Variants in CCDC88C observed in about 807,000 individuals in gnomAD.
The protein encoded by CCDC88C is coiled-coil and HOOK domain protein 88C, also known as protein Daple.
Under a neutral mutation model 198.8 loss-of-function variants are expected in CCDC88C, and 131 were observed. The ratio of observed to expected loss-of-function variants is 0.66; its 90% CI spans 0.57 to 0.76. CCDC88C has a LOEUF of 0.76. Ranked by LOEUF, CCDC88C falls within the 30% of genes least tolerant of loss-of-function variation. The pLI is 0.00. For missense variants in CCDC88C, 2,553 were observed against 2,631.6 expected (o/e 0.97, Z 0.65); for synonymous variants, 1,166 against 1,114.7 (o/e 1.05, Z -0.92).
chr14:91,293,044 C>T (rs1188423438), intron 23 of CCDC88C, among the ~76,000 whole-genome samples: 3 of 143,480 alleles, frequency 2.1e-5, no homozygotes, highest in South Asian at 2.3e-4. Flanking sequence ...TCACCTGCCA[C>T]GGCTGACCTT....
intron 10 of CCDC88C, among the ~76,000 whole-genome samples, chr14:91,328,683 C>T (rs753282309): frequency 5.3e-5 from 8 of 152,176 alleles, no homozygotes; most frequent in Non-Finnish European, 1.0e-4. Flanking sequence ...ACACTCTCAA[C>T]CCGGATTCCT....
rs769431847 is a variant in CCDC88C at position 91,339,327 on chromosome 14, C to A, written c.760G>T (p.Val254Leu). The A allele has an allele frequency of 8.1e-6, 13 of 1,613,546 alleles. No homozygotes were observed. Among genetic ancestry groups the A allele is most frequent in the Non-Finnish European group, 1.1e-5 (13 of 1,179,892 alleles). Residue 254 changes from valine to leucine, a missense_variant, in exon 8 of 30, where the codon GTA becomes TTA. Val to Leu is a conservative substitution (Grantham distance 32). Coordinates refer to ENST00000389857, the MANE Select transcript of CCDC88C (RefSeq NM_001080414.4). This position sits in a 1 kb window ranked among gnomAD's most constrained non-coding sequence, Gnocchi z 5.8. Reference protein sequence around the residue: ...LSSEDKQHLAVELADTKARLR... With the variant: ...LSSEDKQHLALELADTKARLR... ...CTGGCCTTGGTGTCGGCCAGCTCTACGGCCAGGTGCTGCTTGTCTTCGCTA... is the reference window on the plus strand; with the variant it reads ...CTGGCCTTGGTGTCGGCCAGCTCTAAGGCCAGGTGCTGCTTGTCTTCGCTA...
At chr14:91,416,500 C>T (rs922374146) in intron 2 of CCDC88C, among the ~76,000 whole-genome samples, 1 of 152,130 alleles carries the variant, frequency 6.6e-6, no homozygotes, top group Non-Finnish European at 1.5e-5. Context: ...ACGTAAATGA[C>T]AGTCATTCAA....
intron 20 of CCDC88C, among the ~76,000 whole-genome samples, chr14:91,302,523 G>C (rs2139777954): frequency 6.6e-6 from 1 of 152,304 alleles, no homozygotes; most frequent in South Asian, 2.1e-4. Context: ...CAGAATCCCA[G>C]CCCAGATTGG....
At position 91,273,116 on chromosome 14, in the gene CCDC88C, T is replaced by C; in HGVS notation, c.5596A>G (p.Lys1866Glu). ...GGGCCCTGACAGGAGCTGCCAGCCT[T>C]TCCCACAAGTGGGGTCCGCTCCCGG... is the stretch of plus-strand genomic sequence containing the variant. ...LARERTPLVG[K>E]AGSSCQGPGP... Residue 1866 changes from lysine to glutamate, a missense_variant, in exon 30 of 30, where the codon AAG (lysine) becomes GAG (glutamate). This residue lies in a region of CCDC88C where 1,293 missense variants were observed against 1,219.6 expected (regional missense o/e 1.06). Coordinates refer to ENST00000389857, the MANE Select transcript of CCDC88C (RefSeq NM_001080414.4). The surrounding 1 kb of genome is among the most constrained non-coding windows in gnomAD (Gnocchi z 5.6). 6.4e-7 allele frequency: 1 copy of C among 1,570,606 alleles called. No homozygotes were observed. Among genetic ancestry groups the C allele is most frequent in the Non-Finnish European group, 8.6e-7 (1 of 1,157,930 alleles).
At position 91,272,439 on chromosome 14, in the gene CCDC88C, G is replaced by A. The variant is rs553398666; in HGVS notation, c.*186C>T. ...GACACAGAAAACACGTTACACACCT[G>A]GAAGCGTAATCCTCTTGGGGCTTGG... On this transcript the variant is annotated 3_prime_UTR_variant, in exon 30 of 30. Coordinates refer to ENST00000389857, the MANE Select transcript of CCDC88C (RefSeq NM_001080414.4). 5.4e-5 allele frequency: 33 copies of A among 609,940 alleles called. No individual in the cohort carries two copies. In the African/African-American group the frequency reaches 6.0e-4, roughly 11 times the overall value. The allele number at this position is 609,940 out of a possible 1,614,324, so 37.8% of individuals were successfully genotyped here.
At position 91,324,769 on chromosome 14, in the gene CCDC88C, C is replaced by T. The variant is rs1892511996; in HGVS notation, c.1342+10G>A. On this transcript the variant is annotated intron_variant, in intron 12 of 29. Coordinates refer to ENST00000389857, the MANE Select transcript of CCDC88C (RefSeq NM_001080414.4). ...GCCAGGCTGGCTCCCCGGCACCAGGCGCTACCTACCGTCTGACAAGTCTGC... is the reference window on the plus strand; with the variant it reads ...GCCAGGCTGGCTCCCCGGCACCAGGTGCTACCTACCGTCTGACAAGTCTGC... 2 of 1,608,720 alleles carry T rather than the reference C, an allele frequency of 1.2e-6. No individual in the cohort carries two copies. Among genetic ancestry groups the T allele is most frequent in the Middle Eastern group, 1.7e-4 (1 of 6,046 alleles).
chr14:91,378,024 T>C (rs1396957575), intron 3 of CCDC88C, among the ~76,000 whole-genome samples: 1 of 152,190 alleles, frequency 6.6e-6, no homozygotes, highest in East Asian at 1.9e-4. Flanking sequence ...TGGTACAGAA[T>C]TGGGCAGAAA....
At chr14:91,390,270 C>T (rs1885423776) in intron 3 of CCDC88C, among the ~76,000 whole-genome samples, 1 of 152,130 alleles carries the variant, frequency 6.6e-6, no homozygotes, top group Non-Finnish European at 1.5e-5. Context: ...TGCTCCTTGA[C>T]ACAGATTTAA....
chr14:91,389,853 A>G (rs1284008199), intron 3 of CCDC88C, among the ~76,000 whole-genome samples: 1 of 152,012 alleles, frequency 6.6e-6, no homozygotes, highest in African/African-American at 2.4e-5. Context: ...CGGGCGGATC[A>G]CAAGGTCAGG....
At chr14:91,377,290 C>A (rs8018903) in intron 3 of CCDC88C, among the ~76,000 whole-genome samples, 1 of 152,048 alleles carries the variant, frequency 6.6e-6, no homozygotes, top group Admixed American at 6.5e-5. Context: ...ACTCTTCCAC[C>A]GCGGAGCTCC....
At chr14:91,274,790 G>A (rs937955719) in intron 29 of CCDC88C, among the ~76,000 whole-genome samples, 6 of 152,172 alleles carry the variant, frequency 3.9e-5, no homozygotes, top group African/African-American at 1.4e-4. Flanking sequence ...AAATGACCTC[G>A]CAAGGTTGTT....
At chr14:91,389,366 A>G (rs1885343890) in intron 3 of CCDC88C, among the ~76,000 whole-genome samples, 1 of 152,182 alleles carries the variant, frequency 6.6e-6, no homozygotes, top group South Asian at 2.1e-4. Context: ...GCTCTTGAAG[A>G]TGTGATTCCA....
chr14:91,328,894 CCT>C (rs1031729088), intron 10 of CCDC88C, among the ~76,000 whole-genome samples: 72 of 152,316 alleles, frequency 4.7e-4, no homozygotes, highest in African/African-American at 1.6e-3. Flanking sequence ...CCTCCTGACC[CCT>C]GAGGAGCACA....
At position 91,307,170 on chromosome 14, in the gene CCDC88C, C is replaced by G; in HGVS notation, c.3063G>C (p.Gln1021His). 6.2e-7 allele frequency: 1 copy of G among 1,613,970 alleles called. No individual in the cohort carries two copies. Among genetic ancestry groups the G allele is most frequent in the Non-Finnish European group, 8.5e-7 (1 of 1,179,900 alleles). The change falls in exon 18 of 30, where the codon CAG (glutamine) becomes CAC (histidine). Residue 1021 changes from glutamine to histidine, a missense_variant. Gln to His is a conservative substitution (Grantham distance 24, BLOSUM62 0). Coordinates refer to ENST00000389857, the MANE Select transcript of CCDC88C (RefSeq NM_001080414.4). ...TCCCCGCAGGGTGCTTGAAAGAGTT[C>G]TGCAAGTGCTGCCCCTCTCCCTGGT... ...RQNQGEGQHL[Q>H]NSFKHPAGKT...
chr14:91,278,644 A>C (rs1398389285), intron 28 of CCDC88C, among the ~76,000 whole-genome samples: 3 of 152,140 alleles, frequency 2.0e-5, no homozygotes, highest in Non-Finnish European at 4.4e-5. Flanking sequence ...CCACAGTAGA[A>C]TGGAACTAGT....
intron 25 of CCDC88C, chr14:91,285,661 G>C (rs1399614627): frequency 7.8e-7 from 1 of 1,287,392 alleles, no homozygotes; most frequent in Non-Finnish European, 1.0e-6. Flanking sequence ...ACATGATAAA[G>C]GAAAGGGATT....
At chr14:91,406,400 A>G (rs1187119876) in intron 3 of CCDC88C, among the ~76,000 whole-genome samples, 1 of 152,190 alleles carries the variant, frequency 6.6e-6, no homozygotes, top group Non-Finnish European at 1.5e-5. Context: ...CTCACAGTGC[A>G]GGAGGAGGGA....
chr14:91,365,924 TA>T (rs1264122372), intron 3 of CCDC88C, among the ~76,000 whole-genome samples: 3 of 152,018 alleles, frequency 2.0e-5, no homozygotes, highest in Non-Finnish European at 4.4e-5. Flanking sequence ...AAAAGATACA[TA>T]ATTGTATGTA....
Sources: allele counts gnomAD v4.1 joint callset (sites outside exome capture counted in the v4.1 genomes callset), GRCh38; gene constraint gnomAD v4.1.1; regional missense constraint gnomAD v4.1.1; non-coding constraint Gnocchi (gnomAD v3.1); transcripts MANE v1.5; gene names NCBI Gene and HGNC (gene_info 2026-07-23, HGNC 2026-07-21).